Variants in CADM1 observed in about 807,000 individuals in gnomAD.
CADM1 encodes the protein cell adhesion molecule 1, also known as TSLC-1.
A neutral mutation model predicts 53.1 loss-of-function variants in CADM1; 15 were observed. That is an observed-to-expected ratio of 0.28 (90% CI 0.19 to 0.44). The LOEUF is 0.44. CADM1 is among the 20% of genes least tolerant of loss of function. The pLI, the probability that CADM1 is intolerant of heterozygous loss-of-function variation, is 1.00. For synonymous variants in CADM1, 281 were observed against 243.0 expected, an observed-to-expected ratio of 1.16 and a Z score of -1.45; for missense variants, 434 against 611.3, an observed-to-expected ratio of 0.71 and a Z score of 3.06.
At chr11:115,192,558 C>G (rs1565288470) in intron 9 of CADM1, among the ~76,000 whole-genome samples, 1 of 152,106 alleles carries the variant, frequency 6.6e-6, no homozygotes, top group Non-Finnish European at 1.5e-5. Context: ...TAAAGTACTC[C>G]TTTGTAGTTA....
intron 1 of CADM1, among the ~76,000 whole-genome samples, chr11:115,303,049 G>A (rs899054381): frequency 2.6e-5 from 4 of 152,104 alleles, no homozygotes; most frequent in Non-Finnish European, 4.4e-5. Context: ...ATGCTGCTGG[G>A]TGTGTGGGCT....
At chr11:115,495,326 C>A (rs922921825) in intron 1 of CADM1, among the ~76,000 whole-genome samples, 2 of 152,124 alleles carry the variant, frequency 1.3e-5, no homozygotes, top group Admixed American at 1.3e-4. Flanking sequence ...TACCACATAA[C>A]CCATTCCCCA....
intron 1 of CADM1, among the ~76,000 whole-genome samples, chr11:115,332,283 C>T (rs1244160478): frequency 6.6e-6 from 1 of 151,952 alleles, no homozygotes; most frequent in African/African-American, 2.4e-5. Context: ...ATGGATGGGG[C>T]AGGTAGAAGT....
chr11:115,448,782 G>C (rs1948508454), intron 1 of CADM1, among the ~76,000 whole-genome samples: 1 of 152,040 alleles, frequency 6.6e-6, no homozygotes, highest in African/African-American at 2.4e-5. Context: ...CTTAATTCTT[G>C]GGTAAAGGAG....
At chr11:115,311,726 A>C (rs1034473910) in intron 1 of CADM1, among the ~76,000 whole-genome samples, 8 of 152,148 alleles carry the variant, frequency 5.3e-5, no homozygotes, top group Non-Finnish European at 1.2e-4. Context: ...AGTCAGAGAC[A>C]CCTCAGTGAG....
rs1941112837 is a variant in CADM1 at position 115,214,890 on chromosome 11, T to C, written c.822-110A>G. 3.6e-6 allele frequency: 4 copies of C among 1,118,542 alleles called. No individual in the cohort carries two copies. The Admixed American group carries it at 6.8e-5, about 19-fold the overall frequency. The allele number at this position is 1,118,542 out of a possible 1,614,324, so 69.3% of individuals were successfully genotyped here. On this transcript the variant is annotated intron_variant, in intron 6 of 11. Transcript: ENST00000331581. ...TAATGAGGACCTACTGGAGATATTTTAAGTTCACAGAATTACAACTGTGAA... is the reference window on the plus strand; with the variant it reads ...TAATGAGGACCTACTGGAGATATTTCAAGTTCACAGAATTACAACTGTGAA...
At chr11:115,459,825 TG>T (rs1258463826) in intron 1 of CADM1, among the ~76,000 whole-genome samples, 3 of 152,212 alleles carry the variant, frequency 2.0e-5, no homozygotes, top group Admixed American at 2.0e-4. Flanking sequence ...TATGCTTCAG[TG>T]GGTTCAATAA....
intron 1 of CADM1, among the ~76,000 whole-genome samples, chr11:115,350,115 G>C (rs1002533183): frequency 6.6e-6 from 1 of 152,106 alleles, no homozygotes; most frequent in African/African-American, 2.4e-5. Flanking sequence ...GGGATTAGAG[G>C]CATGTGCCAC....
chr11:115,179,285 T>C (rs1489814039), intron 10 of CADM1, among the ~76,000 whole-genome samples: 2 of 152,198 alleles, frequency 1.3e-5, no homozygotes, highest in Non-Finnish European at 2.9e-5. Context: ...AAACAAGGAT[T>C]ATAAGACTAA....
intron 7 of CADM1, among the ~76,000 whole-genome samples, chr11:115,212,046 T>C (rs1273387101): frequency 2.0e-5 from 3 of 152,214 alleles, no homozygotes; most frequent in African/African-American, 7.2e-5. Context: ...CTGAAAGAAT[T>C]AGATTCCTTT....
At chr11:115,369,278 T>C (rs762404823) in intron 1 of CADM1, among the ~76,000 whole-genome samples, 23 of 152,216 alleles carry the variant, frequency 1.5e-4, no homozygotes, top group Admixed American at 6.5e-4. Flanking sequence ...ATATATTTCT[T>C]ATGGCACCTT....
chr11:115,202,242 A>G (rs946639289), intron 8 of CADM1, among the ~76,000 whole-genome samples: 3 of 152,118 alleles, frequency 2.0e-5, no homozygotes, highest in Admixed American at 6.6e-5. Context: ...TAGTTGAAAC[A>G]GTCATGTGTA....
At chr11:115,308,137 CTCTCTGTGTGTGTGTGTG>C (rs1192733302) in intron 1 of CADM1, among the ~76,000 whole-genome samples, 1 of 105,334 alleles carries the variant, frequency 9.5e-6, no homozygotes, top group Middle Eastern at 4.5e-3. Context: ...CACAAACTCT[CTCTCTGTGTGTGTGTGTG>C]TGTGTGTGTG....
intron 1 of CADM1, among the ~76,000 whole-genome samples, chr11:115,243,985 G>A (rs985113615): frequency 1.7e-4 from 26 of 152,136 alleles, no homozygotes; most frequent in Non-Finnish European, 3.5e-4. Context: ...TAGACTAATC[G>A]GTGTATATGG....
chr11:115,277,722 C>T (rs1200429653), intron 1 of CADM1, among the ~76,000 whole-genome samples: 2 of 152,114 alleles, frequency 1.3e-5, no homozygotes. Context: ...TCAAATGACA[C>T]TGACTAGGCA....
At chr11:115,177,315 TAGAC>T (rs936942829) in intron 11 of CADM1, among the ~76,000 whole-genome samples, 1 of 152,148 alleles carries the variant, frequency 6.6e-6, no homozygotes, top group African/African-American at 2.4e-5. Context: ...ATAATGACAA[TAGAC>T]AGACATTACA....
chr11:115,322,586 C>T (rs1422221991), intron 1 of CADM1, among the ~76,000 whole-genome samples: 1 of 152,114 alleles, frequency 6.6e-6, no homozygotes, highest in African/African-American at 2.4e-5. Context: ...TTATCCCAAC[C>T]CGTGGCAACC....
chr11:115,439,578 CTAA>C (rs1273619930), intron 1 of CADM1, among the ~76,000 whole-genome samples: 6 of 152,194 alleles, frequency 3.9e-5, no homozygotes, highest in Admixed American at 3.3e-4. Context: ...AATTACTTAA[CTAA>C]TGTTTTGCAG....
At chr11:115,465,918 G>A (rs1195442044) in intron 1 of CADM1, among the ~76,000 whole-genome samples, 1 of 152,098 alleles carries the variant, frequency 6.6e-6, no homozygotes, top group Non-Finnish European at 1.5e-5. Context: ...CTGCTAAAAT[G>A]GATAACAAGT....
Sources: allele counts gnomAD v4.1 joint callset (sites outside exome capture counted in the v4.1 genomes callset), GRCh38; gene constraint gnomAD v4.1.1; transcripts MANE v1.5; gene names NCBI Gene and HGNC (gene_info 2026-07-23, HGNC 2026-07-21).